DLC1: variants seen among roughly 807,000 people sequenced by gnomAD.
DLC1 encodes rho GTPase-activating protein 7.
DLC1 carries 54 observed loss-of-function variants against 140.3 expected under a neutral mutation model. That is an observed-to-expected ratio of 0.38 (90% confidence interval 0.31 to 0.48). The LOEUF (loss-of-function observed/expected upper bound fraction) is 0.48. Among genes scored for constraint, DLC1 ranks in the 20% least tolerant of loss-of-function variants. The probability of loss-of-function intolerance (pLI) is 0.96; values close to 1 mark genes in which losing one functional copy is unlikely to be tolerated. For synonymous variants in DLC1, 986 were observed against 728.1 expected, an observed-to-expected ratio of 1.35 and a Z score of -5.70; for missense variants, 2,536 against 1,907.0, an observed-to-expected ratio of 1.33 and a Z score of -6.14.
At chr8:13,369,598 C>T (rs948403671) in intron 4 of DLC1, among the ~76,000 whole-genome samples, 3 of 152,110 alleles carry the variant, frequency 2.0e-5, no homozygotes, top group Non-Finnish European at 4.4e-5. Flanking sequence ...TTCTTTCTTT[C>T]TCTTATGGAC....
chr8:13,586,221 G>C lies in DLC1; in HGVS notation c.-126+18316C>G, dbSNP rs542391547. On this transcript the variant is annotated intron_variant, in intron 1 of 1. Transcript: ENST00000631382. ...ATGATGACTGTTTTAAGGTGGTAAGGCTTGAGGCAGGAAGGGCAATTTGGA... is the reference window on the plus strand; with the variant it reads ...ATGATGACTGTTTTAAGGTGGTAAGCCTTGAGGCAGGAAGGGCAATTTGGA... Among the ~76,000 whole-genome samples, 3 of 152,272 alleles carry C rather than the reference G, an allele frequency of 2.0e-5. No individual in the cohort carries two copies. In the East Asian group the frequency reaches 5.8e-4, roughly 29 times the overall value.
chr8:13,354,007 C>T (rs1475067049), intron 4 of DLC1, among the ~76,000 whole-genome samples: 2 of 151,608 alleles, frequency 1.3e-5, no homozygotes, highest in African/African-American at 4.9e-5. Context: ...TTCACATTTC[C>T]ACTCCTTTGG....
chr8:13,557,214 CT>C (rs1036074351), intron 1 of DLC1, among the ~76,000 whole-genome samples: 358 of 149,410 alleles, frequency 2.4e-3, no homozygotes, highest in African/African-American at 7.9e-3. Context: ...GAACATTTCA[CT>C]TTTTTTTTTA....
At chr8:13,311,141 G>A (rs1232827577) in intron 4 of DLC1, among the ~76,000 whole-genome samples, 4 of 152,084 alleles carry the variant, frequency 2.6e-5, no homozygotes, top group Non-Finnish European at 5.9e-5. Flanking sequence ...ACTGTATGTA[G>A]TATATTTTGC....
At chr8:13,111,537 A>G (rs545664875) in intron 6 of DLC1, among the ~76,000 whole-genome samples, 10 of 152,286 alleles carry the variant, frequency 6.6e-5, no homozygotes, top group African/African-American at 1.9e-4. Flanking sequence ...AGAGAGGGGG[A>G]AAACAGTCGA....
intron 2 of DLC1, among the ~76,000 whole-genome samples, chr8:13,413,256 A>ATTTGTTTTTTTTTTTTTTTTT (rs1837875660): frequency 1.2e-5 from 1 of 82,022 alleles, no homozygotes; most frequent in Non-Finnish European, 2.3e-5. Context: ...TTTTTTTGCG[A>ATTTGTTTTTTTTTTTTTTTTT]TTTTTTTTTT....
chr8:13,560,874 C>T (rs998846067), intron 1 of DLC1, among the ~76,000 whole-genome samples: 2 of 152,096 alleles, frequency 1.3e-5, no homozygotes, highest in African/African-American at 4.8e-5. Flanking sequence ...AGGCCTGGAA[C>T]AGATCCTCCC....
chr8:13,135,164 T>C lies in DLC1; in HGVS notation c.1349-19507A>G, dbSNP rs143030638. 1.2e-3 allele frequency among the ~76,000 whole-genome samples: 179 copies of C among 151,114 alleles called. 1 individual carries two copies. The highest frequency in any genetic ancestry group is 3.9e-3 in the African/African-American group (162 of 41,114). On this transcript the variant is annotated intron_variant, in intron 5 of 17. Coordinates refer to ENST00000276297, the MANE Select transcript of DLC1 (RefSeq NM_182643.3). ...GAAGTTTCAGTCCCCTGCGTGACTA[T>C]GTTAAGGAAAGTCCTTAGGAGTGAT... is the stretch of plus-strand genomic sequence containing the variant.
In DLC1 at chr8:13,346,565, T is replaced by C. The variant is rs182118624; in HGVS notation, c.1315-41263A>G. On this transcript the variant is annotated intron_variant, in intron 4 of 17. Coordinates refer to ENST00000276297, the MANE Select transcript of DLC1 (RefSeq NM_182643.3). The stretch of plus-strand genomic sequence containing the variant: ...TCACATATGTAAAGTTTAATTGTTC[T>C]AGTTCTTTGTAACTTGAGCGGCAGG... Among the ~76,000 whole-genome samples the C allele has an allele frequency of 9.2e-4, 140 of 152,328 alleles. 1 individual carries two copies. Among genetic ancestry groups the C allele is most frequent in the Non-Finnish European group, 6.9e-4 (47 of 68,044 alleles).
At chr8:13,374,660 G>C (rs1002198607) in intron 4 of DLC1, among the ~76,000 whole-genome samples, 1 of 152,110 alleles carries the variant, frequency 6.6e-6, no homozygotes, top group African/African-American at 2.4e-5. Context: ...GTATGCGCCT[G>C]TAATCCTTGG....
At chr8:13,133,877 T>G (rs1467373704) in intron 5 of DLC1, among the ~76,000 whole-genome samples, 4 of 152,112 alleles carry the variant, frequency 2.6e-5, no homozygotes, top group Non-Finnish European at 5.9e-5. Context: ...ACCTGTCCCT[T>G]GGACATTGGT....
chr8:13,215,403 T>C (rs1828146175), intron 5 of DLC1, among the ~76,000 whole-genome samples: 1 of 152,076 alleles, frequency 6.6e-6, no homozygotes, highest in South Asian at 2.1e-4. Context: ...CTGGCCAACA[T>C]GGTGAAACCC....
intron 2 of DLC1, among the ~76,000 whole-genome samples, chr8:13,473,105 A>G (rs1800285435): frequency 6.6e-6 from 1 of 152,196 alleles, no homozygotes; most frequent in Non-Finnish European, 1.5e-5. Flanking sequence ...TGATATGCAG[A>G]CTTGATGTGC....
chr8:13,335,572 A>G (rs1321694152), intron 4 of DLC1, among the ~76,000 whole-genome samples: 1 of 152,174 alleles, frequency 6.6e-6, no homozygotes, highest in African/African-American at 2.4e-5. Flanking sequence ...CAAAGCATAT[A>G]TGAAACTAAC....
At chr8:13,539,446 C>T (rs986086872) in intron 1 of DLC1, among the ~76,000 whole-genome samples, 1 of 152,214 alleles carries the variant, frequency 6.6e-6, no homozygotes, top group African/African-American at 2.4e-5. Flanking sequence ...GTGATCCGTC[C>T]ACCTCGGCCT....
intron 5 of DLC1, among the ~76,000 whole-genome samples, chr8:13,196,053 A>G (rs1827032569): frequency 1.3e-5 from 2 of 151,938 alleles, no homozygotes; most frequent in African/African-American, 2.4e-5. Flanking sequence ...TATACCATTT[A>G]TATAAATTAA....
At chr8:13,321,705 C>T (rs756075671) in intron 4 of DLC1, among the ~76,000 whole-genome samples, 3 of 152,058 alleles carry the variant, frequency 2.0e-5, no homozygotes, top group Non-Finnish European at 2.9e-5. Context: ...GAGGATAATT[C>T]ATCCAGTTCT....
At chr8:13,541,698 T>A (rs918053469) in intron 1 of DLC1, among the ~76,000 whole-genome samples, 4 of 152,022 alleles carry the variant, frequency 2.6e-5, no homozygotes, top group African/African-American at 9.7e-5. Context: ...TACAGGCGCC[T>A]GCCACCAAGC....
intron 2 of DLC1, among the ~76,000 whole-genome samples, chr8:13,452,006 T>C (rs1021137850): frequency 1.3e-5 from 2 of 152,276 alleles, no homozygotes; most frequent in Admixed American, 6.5e-5. Context: ...GAGGGTTCTA[T>C]TGGCTATTTT....
Sources: allele counts gnomAD v4.1 joint callset (sites outside exome capture counted in the v4.1 genomes callset), GRCh38; gene constraint gnomAD v4.1.1; transcripts MANE v1.5; gene names NCBI Gene and HGNC (gene_info 2026-07-23, HGNC 2026-07-21).